Variants in ASIC2 observed in about 807,000 individuals in gnomAD.
ASIC2 encodes the protein acid-sensing ion channel 2.
Under a neutral mutation model 57.3 loss-of-function variants are expected in ASIC2, and 25 were observed. The observed-to-expected ratio is 0.44, with a 90% CI of 0.32 to 0.61. The LOEUF is 0.61. ASIC2 is among the 20% of genes least tolerant of loss of function. The pLI, the probability that ASIC2 is intolerant of heterozygous loss-of-function variation, is 0.06. For synonymous variants in ASIC2, 319 were observed against 307.5 expected, an observed-to-expected ratio of 1.04 and a Z score of -0.39; for missense variants, 641 against 738.1, an observed-to-expected ratio of 0.87 and a Z score of 1.52.
At chr17:33,435,134 G>A (rs1433085992) in intron 1 of ASIC2, among the ~76,000 whole-genome samples, 1 of 152,144 alleles carries the variant, frequency 6.6e-6, no homozygotes, top group Non-Finnish European at 1.5e-5. Context: ...AGAAGTATCA[G>A]TATGAATACA....
At chr17:33,261,182 C>T (rs1430234506) in intron 1 of ASIC2, among the ~76,000 whole-genome samples, 1 of 152,230 alleles carries the variant, frequency 6.6e-6, no homozygotes, top group African/African-American at 2.4e-5. Flanking sequence ...ATTATGCCCT[C>T]TCCAAACTAG....
intron 1 of ASIC2, among the ~76,000 whole-genome samples, chr17:33,164,198 G>A (rs554690523): frequency 2.0e-5 from 3 of 152,308 alleles, no homozygotes; most frequent in East Asian, 1.9e-4. Flanking sequence ...CCAAGGGTGC[G>A]TCTGGTCAAT....
chr17:33,653,524 T>C (rs1360362075), intron 1 of ASIC2, among the ~76,000 whole-genome samples: 3 of 151,994 alleles, frequency 2.0e-5, no homozygotes, highest in African/African-American at 7.3e-5. Context: ...GAATGAGTAT[T>C]TTGCCCTCAG....
In ASIC2 at chr17:33,779,606, C is replaced by T. The variant is rs146997703; in HGVS notation, c.555+376372G>A. The stretch of plus-strand genomic sequence containing the variant: ...TTAGTTTCTCTCCGGGATCCTTGGG[C>T]TGGGGGTTGTGGGGAAAGTGTGGGA... On this transcript the variant is annotated intron_variant, in intron 1 of 9. Transcript: ENST00000359872. Among the ~76,000 whole-genome samples, 504 of 152,208 alleles carry T rather than the reference C, an allele frequency of 3.3e-3. 5 individuals carry two copies. The highest frequency in any genetic ancestry group is 0.012 in the African/African-American group (487 of 41,508).
chr17:33,523,115 C>T (rs1914790947), intron 1 of ASIC2, among the ~76,000 whole-genome samples: 1 of 152,210 alleles, frequency 6.6e-6, no homozygotes, highest in Non-Finnish European at 1.5e-5. Context: ...CTTTTCTCTT[C>T]GTTCTGTGAT....
intron 1 of ASIC2, among the ~76,000 whole-genome samples, chr17:34,120,410 G>A (rs1304583605): frequency 1.3e-5 from 2 of 151,968 alleles, no homozygotes; most frequent in South Asian, 2.1e-4. Context: ...CTGTGCACAC[G>A]CATATGGCTC....
chr17:34,089,236 A>G (rs4795863), intron 1 of ASIC2, among the ~76,000 whole-genome samples: 136,747 of 152,280 alleles, frequency 0.9, 61,785 homozygotes, highest in African/African-American at 0.98. Context: ...GCTCAGGCAG[A>G]GGCTGTCCTA....
At chr17:34,007,555 C>T (rs376053450) in intron 1 of ASIC2, among the ~76,000 whole-genome samples, 3 of 152,158 alleles carry the variant, frequency 2.0e-5, no homozygotes, top group African/African-American at 7.2e-5. Flanking sequence ...TCAACCTTAA[C>T]AGAGGAGGTA....
intron 1 of ASIC2, among the ~76,000 whole-genome samples, chr17:33,565,402 A>G (rs569930333): frequency 2.6e-4 from 39 of 152,314 alleles, no homozygotes; most frequent in Admixed American, 4.6e-4. Context: ...CTGGGACTTG[A>G]AAGCAGAACT....
chr17:34,031,142 C>T (rs1263482100), intron 1 of ASIC2, among the ~76,000 whole-genome samples: 1 of 152,168 alleles, frequency 6.6e-6, no homozygotes, highest in Admixed American at 6.5e-5. Context: ...TTCACATGGC[C>T]GGGTACTCCT....
chr17:33,216,342 G>T (rs557994343), intron 1 of ASIC2, among the ~76,000 whole-genome samples: 1 of 152,322 alleles, frequency 6.6e-6, no homozygotes, highest in Non-Finnish European at 1.5e-5. Flanking sequence ...CATTCAGCTG[G>T]CTGTGCTCTA....
intron 1 of ASIC2, among the ~76,000 whole-genome samples, chr17:33,247,879 G>A (rs995992787): frequency 1.3e-5 from 2 of 152,206 alleles, no homozygotes; most frequent in East Asian, 3.8e-4. Context: ...AGAGACAGAG[G>A]TCTTTGTGTC....
At chr17:34,131,622 C>G (rs1194690502) in intron 1 of ASIC2, among the ~76,000 whole-genome samples, 5 of 152,236 alleles carry the variant, frequency 3.3e-5, no homozygotes, top group Admixed American at 6.5e-5. Context: ...CTGCTGACAG[C>G]AGGGACATCT....
At chr17:33,768,811 G>T (rs1002126061) in intron 1 of ASIC2, among the ~76,000 whole-genome samples, 1 of 152,056 alleles carries the variant, frequency 6.6e-6, no homozygotes, top group African/African-American at 2.4e-5. Flanking sequence ...AGACTCAGTC[G>T]GTAGAGGGGA....
At chr17:33,255,238 C>T (rs1290271712) in intron 1 of ASIC2, among the ~76,000 whole-genome samples, 1 of 151,806 alleles carries the variant, frequency 6.6e-6, no homozygotes, top group African/African-American at 2.4e-5. Flanking sequence ...CAGGGTTTCA[C>T]CATGTTGGCC....
chr17:33,341,932 C>T (rs1008688811), intron 1 of ASIC2, among the ~76,000 whole-genome samples: 1 of 152,132 alleles, frequency 6.6e-6, no homozygotes, highest in Non-Finnish European at 1.5e-5. Flanking sequence ...ACTGACATCT[C>T]TTGAGATGAA....
intron 1 of ASIC2, among the ~76,000 whole-genome samples, chr17:33,521,989 G>C (rs946757334): frequency 6.6e-6 from 1 of 152,226 alleles, no homozygotes; most frequent in Non-Finnish European, 1.5e-5. Flanking sequence ...GGGGCCCTCT[G>C]CTGGGCAGCC....
chr17:33,286,416 G>A (rs1905193496), intron 1 of ASIC2, among the ~76,000 whole-genome samples: 1 of 152,188 alleles, frequency 6.6e-6, no homozygotes, highest in African/African-American at 2.4e-5. Context: ...AGTAGTGAAA[G>A]AAGTCAGAGT....
intron 1 of ASIC2, among the ~76,000 whole-genome samples, chr17:33,879,375 G>GAGACACAC (rs1914639480): frequency 6.6e-6 from 1 of 152,318 alleles, no homozygotes; most frequent in African/African-American, 2.4e-5. Context: ...TTCACGTGCA[G>GAGACACAC]AGACACACAT....
Sources: gnomAD v4.1 joint callset for allele counts (sites outside exome capture counted in the v4.1 genomes callset) on GRCh38, gnomAD v4.1.1 for gene constraint, MANE v1.5 for transcripts, NCBI Gene and HGNC (gene_info 2026-07-23, HGNC 2026-07-21) for gene names.